Variants in ZNF423 observed in about 807,000 individuals in gnomAD.
ZNF423 encodes the protein Ebf-associated zinc finger protein.
A neutral mutation model predicts 95.8 loss-of-function variants in ZNF423; 12 were observed. The observed-to-expected ratio is 0.13, with a 90% confidence interval of 0.08 to 0.20. The LOEUF is 0.20. Among genes scored for constraint, ZNF423 ranks in the 10% least tolerant of loss-of-function variants. The pLI is 1.00. For synonymous variants in ZNF423, 749 were observed against 711.9 expected (o/e 1.05, Z -0.83); for missense variants, 1,316 against 1,737.1 (o/e 0.76, Z 4.31).
chr16:49,802,117 G>C (rs1159478628), intron 1 of ZNF423, among the ~76,000 whole-genome samples: 1 of 152,102 alleles, frequency 6.6e-6, no homozygotes, highest in African/African-American at 2.4e-5. Context: ...CAAAGTGCTG[G>C]GATTACAGGA....
At position 49,603,902 on chromosome 16, in the gene ZNF423, G is replaced by A. The variant is rs1971455111; in HGVS notation, c.3601+22268C>T. 6.6e-6 allele frequency among the ~76,000 whole-genome samples: 1 copy of A among 152,204 alleles called. No individual in the cohort carries two copies. The highest frequency in any genetic ancestry group is 6.5e-5 in the Admixed American group (1 of 15,286). ...GCAGTCCCCTTGTGGCTTGCCAGGAGCAGGGGTAGGGCTTGGAGAGCCCTG... is the reference window on the plus strand; with the variant it reads ...GCAGTCCCCTTGTGGCTTGCCAGGAACAGGGGTAGGGCTTGGAGAGCCCTG... On this transcript the variant is annotated intron_variant, in intron 5 of 7. Coordinates refer to ENST00000563137, the MANE Select transcript of ZNF423 (RefSeq NM_001379286.1). This position sits in a 1 kb window ranked among gnomAD's most constrained non-coding sequence, Gnocchi z 4.1.
chr16:49,718,688 C>G (rs1257520248), intron 3 of ZNF423, among the ~76,000 whole-genome samples: 1 of 152,118 alleles, frequency 6.6e-6, no homozygotes, highest in African/African-American at 2.4e-5. Context: ...CTGGGAGATT[C>G]TGTGTCTGGT....
chr16:49,576,862 A>G (rs909144424), intron 5 of ZNF423, among the ~76,000 whole-genome samples: 1 of 152,244 alleles, frequency 6.6e-6, no homozygotes, highest in Non-Finnish European at 1.5e-5. Flanking sequence ...TAGTCTTTGA[A>G]GTGAAAGGCC....
intron 5 of ZNF423, among the ~76,000 whole-genome samples, chr16:49,578,544 GT>G (rs1256625985): frequency 6.6e-6 from 1 of 152,156 alleles, no homozygotes; most frequent in Non-Finnish European, 1.5e-5. Context: ...AACAGAGTTT[GT>G]TTCTCTATTT....
chr16:49,692,046 C>T (rs1462337481), intron 3 of ZNF423, among the ~76,000 whole-genome samples: 1 of 152,078 alleles, frequency 6.6e-6, no homozygotes, highest in Non-Finnish European at 1.5e-5. Context: ...ACCTCCCAGG[C>T]TCAAGAGATC....
intron 5 of ZNF423, among the ~76,000 whole-genome samples, chr16:49,593,832 G>T (rs755766257): frequency 3.3e-5 from 5 of 152,136 alleles, no homozygotes; most frequent in Non-Finnish European, 7.4e-5. Flanking sequence ...GGGAGAGGGG[G>T]CCGCGGAGGC....
At chr16:49,643,195 G>A (rs1377620606) in intron 3 of ZNF423, among the ~76,000 whole-genome samples, 2 of 152,046 alleles carry the variant, frequency 1.3e-5, no homozygotes, top group African/African-American at 4.8e-5. Context: ...ACCTGCAACT[G>A]TGGCCAAGGC....
intron 7 of ZNF423, among the ~76,000 whole-genome samples, chr16:49,499,360 GT>G (rs1457919131): frequency 6.6e-6 from 1 of 152,250 alleles, no homozygotes; most frequent in Non-Finnish European, 1.5e-5. Context: ...CAGGGAAGCT[GT>G]CTCTCATGTG....
rs759709043 is a variant in ZNF423, at chr16:49,635,822, G to A, written c.3354C>T (p.Pro1118=). The A allele has an allele frequency of 1.7e-5, 28 of 1,608,704 alleles. No individual in the cohort carries two copies. The highest frequency in any genetic ancestry group is 2.2e-5 in the East Asian group (1 of 44,812). The part of the protein sequence containing the change: ...ANGQVGGLAP[P]EPADRPCAGL... ...CGGCACAGGGCCGGTCGGCGGGCTC[G>A]GGCGGGGCCAGGCCACCCACCTGTC... The change falls in exon 4 of 8, where the codon CCC becomes CCT. Residue 1118 remains proline (P), a synonymous_variant. Transcript: ENST00000563137. This position sits in a 1 kb window ranked among gnomAD's most constrained non-coding sequence, Gnocchi z 4.8.
intron 5 of ZNF423, among the ~76,000 whole-genome samples, chr16:49,543,785 G>T (rs1178563282): frequency 6.6e-6 from 1 of 152,224 alleles, no homozygotes; most frequent in African/African-American, 2.4e-5. Flanking sequence ...GGCACAGAGC[G>T]CCAGCTCCAG....
At chr16:49,801,724 T>C (rs755992620) in intron 1 of ZNF423, among the ~76,000 whole-genome samples, 16 of 152,246 alleles carry the variant, frequency 1.1e-4, no homozygotes, top group Non-Finnish European at 2.4e-4. Flanking sequence ...CAAATGACTT[T>C]GATGCGTGCT....
chr16:49,705,958 G>A (rs913471299), intron 3 of ZNF423, among the ~76,000 whole-genome samples: 8 of 152,204 alleles, frequency 5.3e-5, no homozygotes, highest in African/African-American at 1.4e-4. Context: ...GCACGTGGAC[G>A]ACCATCTGTG....
At chr16:49,730,388 C>T (rs144448165) in intron 3 of ZNF423, among the ~76,000 whole-genome samples, 1 of 152,318 alleles carries the variant, frequency 6.6e-6, no homozygotes, top group Non-Finnish European at 1.5e-5. Context: ...TGCCTCGGAG[C>T]TTACTCCTTT....
chr16:49,583,672 G>A (rs1176368174), intron 5 of ZNF423, among the ~76,000 whole-genome samples: 2 of 152,158 alleles, frequency 1.3e-5, no homozygotes, highest in South Asian at 2.1e-4. Context: ...TACCCAGGGA[G>A]AAAGGGTGGA....
At chr16:49,620,849 C>T (rs1972052386) in intron 5 of ZNF423, among the ~76,000 whole-genome samples, 1 of 152,170 alleles carries the variant, frequency 6.6e-6, no homozygotes, top group African/African-American at 2.4e-5. Context: ...TCCTGGGGGT[C>T]TCCAGACTCA....
chr16:49,789,451 C>A (rs367970787), intron 2 of ZNF423, 36 bp downstream of exon 2: 5 of 1,596,722 alleles, frequency 3.1e-6, no homozygotes, highest in Non-Finnish European at 3.4e-6. Flanking sequence ...CCCCCAGGAC[C>A]CCCTGCAACT....
In ZNF423 at chr16:49,635,538, T is replaced by G; in HGVS notation, c.3516+122A>C. On this transcript the variant is annotated intron_variant, in intron 4 of 7. Transcript: ENST00000563137. The surrounding 1 kb of genome is among the most constrained non-coding windows in gnomAD (Gnocchi z 4.8). Reference sequence around the variant, plus strand: ...GGAGTCTACAGCACAGCAGTTCTGTTTTGCCACTGCGCGATAGCGCCGCTT... The same window carrying G: ...GGAGTCTACAGCACAGCAGTTCTGTGTTGCCACTGCGCGATAGCGCCGCTT... The G allele has an allele frequency of 7.6e-7, 1 of 1,308,542 alleles. No individual in the cohort carries two copies. The highest frequency in any genetic ancestry group is 1.0e-6 in the Non-Finnish European group (1 of 980,994). 81.1% of individuals were successfully genotyped at this position (1,308,542 alleles called of 1,614,324 possible).
intron 7 of ZNF423, among the ~76,000 whole-genome samples, chr16:49,496,140 G>A (rs1053462490): frequency 2.6e-5 from 4 of 152,340 alleles, no homozygotes; most frequent in South Asian, 2.1e-4. Context: ...GGAAGCTTTC[G>A]TGGGCCGAGA....
chr16:49,656,734 G>A (rs1365107837), intron 3 of ZNF423, among the ~76,000 whole-genome samples: 1 of 152,094 alleles, frequency 6.6e-6, no homozygotes, highest in African/African-American at 2.4e-5. Context: ...TTTATTAAGT[G>A]CCACATATTT....
Sources: gnomAD v4.1 joint callset for allele counts (sites outside exome capture counted in the v4.1 genomes callset) on GRCh38, gnomAD v4.1.1 for gene constraint, Gnocchi (gnomAD v3.1) non-coding constraint, MANE v1.5 for transcripts, NCBI Gene and HGNC (gene_info 2026-07-23, HGNC 2026-07-21) for gene names.